SOX5: variants seen among roughly 807,000 people sequenced by gnomAD.
The protein encoded by SOX5 is SRY-box transcription factor 5, also known as transcription factor SOX-5.
SOX5 carries 9 observed loss-of-function variants against 92.0 expected under a neutral mutation model. The observed-to-expected ratio is 0.10, with a 90% CI of 0.06 to 0.17. The LOEUF (loss-of-function observed/expected upper bound fraction) is 0.17, where lower values mean the gene tolerates loss of function less well. Ranked by LOEUF, SOX5 falls within the 10% of genes least tolerant of loss-of-function variation. The probability of loss-of-function intolerance (pLI) is 1.00; values close to 1 mark genes in which losing one functional copy is unlikely to be tolerated. For synonymous variants in SOX5, 344 were observed against 336.3 expected (o/e 1.02, Z -0.25); for missense variants, 642 against 944.5 (o/e 0.68, Z 4.20).
chr12:24,298,421 C>T (rs747992358), intron 2 of SOX5, among the ~76,000 whole-genome samples: 1 of 152,168 alleles, frequency 6.6e-6, no homozygotes, highest in Non-Finnish European at 1.5e-5. Flanking sequence ...TCTTACAAAA[C>T]ATTATCAAAC....
chr12:23,855,607 C>T (rs915049200), intron 2 of SOX5, among the ~76,000 whole-genome samples: 2 of 152,036 alleles, frequency 1.3e-5, no homozygotes, highest in African/African-American at 4.8e-5. Context: ...TTTGTGAGGA[C>T]ATCAGCACCA....
intron 2 of SOX5, among the ~76,000 whole-genome samples, chr12:24,286,467 GGGTTGTCATTT>G (rs1307858572): frequency 6.6e-6 from 1 of 152,204 alleles, no homozygotes; most frequent in Non-Finnish European, 1.5e-5. Context: ...GATATTTGAA[GGGTTGTCATTT>G]GGAAGAGTAA....
At chr12:24,552,138 C>G (rs1156242182) in intron 1 of SOX5, among the ~76,000 whole-genome samples, 1 of 152,000 alleles carries the variant, frequency 6.6e-6, no homozygotes, top group Non-Finnish European at 1.5e-5. Flanking sequence ...TGACTTGAAG[C>G]ATGTTAATGT....
At chr12:24,075,998 G>A (rs891904477) in intron 4 of SOX5, among the ~76,000 whole-genome samples, 9 of 152,274 alleles carry the variant, frequency 5.9e-5, no homozygotes, top group Admixed American at 2.6e-4. Context: ...GGACACTGGG[G>A]AGGAAGATCT....
At chr12:23,898,828 T>G (rs1481663728) in intron 1 of SOX5, among the ~76,000 whole-genome samples, 59 of 152,212 alleles carry the variant, frequency 3.9e-4, no homozygotes, top group Non-Finnish European at 5.9e-5. Context: ...GCATTGGCCT[T>G]GAAAGTATTT....
chr12:24,150,588 G>A (rs1034060401), intron 4 of SOX5, among the ~76,000 whole-genome samples: 2 of 152,000 alleles, frequency 1.3e-5, no homozygotes, highest in Non-Finnish European at 2.9e-5. Context: ...CAACAGAACC[G>A]GCAAGATAAT....
intron 6 of SOX5, among the ~76,000 whole-genome samples, chr12:23,683,845 C>A (rs1218631057): frequency 6.6e-6 from 1 of 151,816 alleles, no homozygotes; most frequent in Non-Finnish European, 1.5e-5. Context: ...CTTTTCACCA[C>A]ATAATTTTGA....
chr12:23,903,362 A>G (rs920941531), intron 1 of SOX5, among the ~76,000 whole-genome samples: 1 of 152,158 alleles, frequency 6.6e-6, no homozygotes, highest in East Asian at 1.9e-4. Context: ...AGGCAGGAAG[A>G]TTCCTTGAGC....
intron 1 of SOX5, among the ~76,000 whole-genome samples, chr12:24,556,706 G>T (rs1467287749): frequency 6.6e-6 from 1 of 152,194 alleles, no homozygotes; most frequent in African/African-American, 2.4e-5. Context: ...TACCTATTAT[G>T]TAGGGTAAAA....
At chr12:24,167,989 A>G (rs1448468381) in intron 4 of SOX5, among the ~76,000 whole-genome samples, 1 of 152,200 alleles carries the variant, frequency 6.6e-6, no homozygotes, top group African/African-American at 2.4e-5. Flanking sequence ...CTCTTAGAGG[A>G]AAGGATGTTC....
intron 1 of SOX5, among the ~76,000 whole-genome samples, chr12:24,523,449 A>G (rs1950428243): frequency 6.6e-6 from 1 of 152,232 alleles, no homozygotes; most frequent in African/African-American, 2.4e-5. Context: ...TGAGAAAAAA[A>G]GAACAAAGCT....
chr12:24,282,266 G>A (rs1258547944), intron 2 of SOX5, among the ~76,000 whole-genome samples: 1 of 152,102 alleles, frequency 6.6e-6, no homozygotes, highest in Non-Finnish European at 1.5e-5. Flanking sequence ...TAAATGACGA[G>A]TTAATGGGTG....
In SOX5 at chr12:24,515,387, TAA is replaced by T. The variant is rs1372612675; in HGVS notation, c.-251+46940_-251+46941del. ...TCCATACAGTGACACTAATTATATT[TAA>T]GTTGTTATTCGTATTATTATTATTG... On this transcript the variant is annotated intron_variant, in intron 1 of 4. Transcript: ENST00000446891. 4.6e-5 allele frequency among the ~76,000 whole-genome samples: 7 copies of T among 152,320 alleles called. No individual in the cohort carries two copies. The East Asian group carries it at 1.4e-3, about 29-fold the overall frequency.
intron 4 of SOX5, among the ~76,000 whole-genome samples, chr12:24,070,275 G>T (rs1023754025): frequency 2.0e-5 from 3 of 152,008 alleles, no homozygotes; most frequent in Non-Finnish European, 2.9e-5. Context: ...AATAAAGCTT[G>T]ATTGGAATAA....
At chr12:24,233,088 G>C (rs988276944) in intron 3 of SOX5, among the ~76,000 whole-genome samples, 12 of 152,190 alleles carry the variant, frequency 7.9e-5, no homozygotes, top group Non-Finnish European at 1.5e-4. Context: ...TGTTCTCAGA[G>C]CATAGATTTC....
chr12:24,490,863 T>TTATA (rs1296307648), intron 1 of SOX5, among the ~76,000 whole-genome samples: 5 of 152,148 alleles, frequency 3.3e-5, no homozygotes, highest in Admixed American at 2.0e-4. Flanking sequence ...AACTTAAACA[T>TTATA]TATAACACCA....
Position 23,841,787 on chromosome 12 carries a change from G to GA in SOX5, c.481+4195dup, listed in dbSNP as rs1340332579. ...ATCAGTGATTACTTGGGATTCTAGG[G>GA]AAAAAAGCGGGATGAATAGGTGAAA... On this transcript the variant is annotated intron_variant, in intron 3 of 14. Coordinates refer to ENST00000451604, the MANE Select transcript of SOX5 (RefSeq NM_006940.6). Among the ~76,000 whole-genome samples, 4 of 152,142 alleles carry GA rather than the reference G, an allele frequency of 2.6e-5. 1 individual carries two copies. Among genetic ancestry groups the GA allele is most frequent in the African/African-American group, 7.2e-5 (3 of 41,536 alleles).
intron 7 of SOX5, among the ~76,000 whole-genome samples, chr12:23,641,200 G>GCA (rs150654083): frequency 9.3e-5 from 14 of 151,168 alleles, no homozygotes; most frequent in Admixed American, 4.6e-4. Flanking sequence ...ACACGCGCGT[G>GCA]CACACACACA....
intron 2 of SOX5, among the ~76,000 whole-genome samples, chr12:23,882,363 C>T (rs1290295914): frequency 6.7e-6 from 1 of 150,194 alleles, no homozygotes; most frequent in African/African-American, 2.5e-5. Flanking sequence ...AAAAAGTAAG[C>T]GGATATACTA....
Sources: gnomAD v4.1 joint callset for allele counts (sites outside exome capture counted in the v4.1 genomes callset) on GRCh38, gnomAD v4.1.1 for gene constraint, MANE v1.5 for transcripts, NCBI Gene and HGNC (gene_info 2026-07-23, HGNC 2026-07-21) for gene names.